CACNA1C: variants seen among roughly 807,000 people sequenced by gnomAD.
The protein encoded by CACNA1C is calcium voltage-gated channel subunit alpha1 C.
Under a neutral mutation model 229.0 loss-of-function variants are expected in CACNA1C, and 30 were observed. That is an observed-to-expected ratio of 0.13 (90% confidence interval 0.10 to 0.18). The LOEUF (loss-of-function observed/expected upper bound fraction) is 0.18, where lower values mean the gene tolerates loss of function less well. CACNA1C is among the 10% of genes least tolerant of loss of function. CACNA1C has a pLI of 1.00. For synonymous variants in CACNA1C, 1,114 were observed against 1,132.5 expected (o/e 0.98, Z 0.33); for missense variants, 1,658 against 2,845.0 (o/e 0.58, Z 9.49).
intron 3 of CACNA1C, among the ~76,000 whole-genome samples, chr12:2,343,390 T>C (rs537407078): frequency 6.6e-6 from 1 of 152,266 alleles, no homozygotes; most frequent in East Asian, 1.9e-4. Flanking sequence ...ACAGATCGAA[T>C]TGCCAGATTT....
rs961784114 is a variant in CACNA1C at position 2,275,663 on chromosome 12, G to A, written c.477+155233G>A. On this transcript the variant is annotated intron_variant, in intron 3 of 46. Coordinates refer to ENST00000399655, the MANE Select transcript of CACNA1C (RefSeq NM_000719.7). This position sits in a 1 kb window ranked among gnomAD's most constrained non-coding sequence, Gnocchi z 4.1. ...CTTTCCCCTCTCTCTGTGAGAAGACGGCCAGTCTCAGATTGGATTTGACCT... is the reference window on the plus strand; with the variant it reads ...CTTTCCCCTCTCTCTGTGAGAAGACAGCCAGTCTCAGATTGGATTTGACCT... Among the ~76,000 whole-genome samples, 2 of 152,124 alleles carry A rather than the reference G, an allele frequency of 1.3e-5. No homozygotes were observed. The highest frequency in any genetic ancestry group is 2.4e-5 in the African/African-American group (1 of 41,420).
intron 3 of CACNA1C, among the ~76,000 whole-genome samples, chr12:2,186,007 G>A (rs770594559): frequency 1.3e-5 from 2 of 152,118 alleles, no homozygotes; most frequent in Non-Finnish European, 2.9e-5. Flanking sequence ...TTTCCTGGCC[G>A]CTCTCTGGCT....
At chr12:2,311,437 A>T (rs1048373766) in intron 3 of CACNA1C, among the ~76,000 whole-genome samples, 1 of 152,208 alleles carries the variant, frequency 6.6e-6, no homozygotes, top group African/African-American at 2.4e-5. Flanking sequence ...CAACCAGAGG[A>T]TGCAGGGACC....
intron 1 of CACNA1C, among the ~76,000 whole-genome samples, chr12:2,045,525 T>C (rs1200662898): frequency 2.0e-5 from 3 of 152,176 alleles, no homozygotes; most frequent in Admixed American, 1.3e-4. Flanking sequence ...ACTGAAAGGA[T>C]TGTTTAAGTG....
chr12:2,582,983 C>G (rs1482174362), intron 15 of CACNA1C, 41 bp downstream of exon 15: 15 of 1,445,990 alleles, frequency 1.0e-5, no homozygotes, highest in Admixed American at 2.0e-5. Flanking sequence ...GGCCCCCAGC[C>G]CCCAGCCTGC....
At chr12:2,583,755 A>G (rs2153228108) in intron 15 of CACNA1C, among the ~76,000 whole-genome samples, 1 of 152,250 alleles carries the variant, frequency 6.6e-6, no homozygotes, top group Non-Finnish European at 1.5e-5. Context: ...TTTTCATGGG[A>G]TCATGCATGC....
chr12:2,178,691 G>A (rs561571514), intron 3 of CACNA1C, among the ~76,000 whole-genome samples: 1 of 152,238 alleles, frequency 6.6e-6, no homozygotes, highest in South Asian at 2.1e-4. Context: ...CTTTGGAACC[G>A]CTTGAGTACC....
rs57723819 is a variant in CACNA1C, at chr12:2,634,556, CT to C, written c.3912+189del. On this transcript the variant is annotated intron_variant, in intron 30 of 46. Transcript: ENST00000399655. Reference sequence around the variant, plus strand: ...TTTCCTTGTTGCTTTATTTTGAAATCTTTTTTTTTTTTTAACTTTGGAACGC... The same window carrying C: ...TTTCCTTGTTGCTTTATTTTGAAATCTTTTTTTTTTTTAACTTTGGAACGC... 0.047 allele frequency among the ~76,000 whole-genome samples: 6,233 copies of C among 133,004 alleles called. 174 individuals carry two copies. The highest frequency in any genetic ancestry group is 0.089 in the Admixed American group (1,187 of 13,266). 87.3% of individuals were successfully genotyped at this position (133,004 alleles called of 152,430 possible).
rs1270680274 is a variant in CACNA1C at position 2,215,577 on chromosome 12, A to G, written c.477+95147A>G. Among the ~76,000 whole-genome samples the G allele has an allele frequency of 6.6e-6, 1 of 152,302 alleles. No homozygotes were observed. The highest frequency in any genetic ancestry group is 1.9e-4 in the East Asian group (1 of 5,170). ...CCCACACCGTTAACACTTTTACATC[A>G]GCATTGCACATGGACATAAAGGGGC... On this transcript the variant is annotated intron_variant, in intron 3 of 46. Coordinates refer to ENST00000399655, the MANE Select transcript of CACNA1C (RefSeq NM_000719.7). This position sits in a 1 kb window ranked among gnomAD's most constrained non-coding sequence, Gnocchi z 5.0.
At chr12:2,012,397 G>T (rs1358045694) in intron 1 of CACNA1C, among the ~76,000 whole-genome samples, 4 of 152,204 alleles carry the variant, frequency 2.6e-5, no homozygotes, top group African/African-American at 9.7e-5. Flanking sequence ...ATGCTCACTG[G>T]ATTGTCTATG....
intron 3 of CACNA1C, among the ~76,000 whole-genome samples, chr12:2,415,558 C>A (rs768118786): frequency 6.6e-6 from 1 of 152,172 alleles, no homozygotes; most frequent in East Asian, 1.9e-4. Flanking sequence ...ATAACACCAC[C>A]GTCCCAAGAA....
At chr12:2,535,411 G>T (rs909626805) in intron 9 of CACNA1C, among the ~76,000 whole-genome samples, 1 of 143,630 alleles carries the variant, frequency 7.0e-6, no homozygotes, top group African/African-American at 2.6e-5. Context: ...AGAAAAAGCA[G>T]CCAGAGGCCC....
At chr12:2,262,946 C>G (rs2080905569) in intron 3 of CACNA1C, among the ~76,000 whole-genome samples, 1 of 152,008 alleles carries the variant, frequency 6.6e-6, no homozygotes, top group Non-Finnish European at 1.5e-5. Context: ...GGAGGTTGCA[C>G]TTTTGTGGGA....
intron 4 of CACNA1C, among the ~76,000 whole-genome samples, chr12:2,452,580 A>C (rs2099388916): frequency 6.6e-6 from 1 of 152,184 alleles, no homozygotes; most frequent in African/African-American, 2.4e-5. Context: ...CCCAACCCTC[A>C]GGGACCAGTG....
chr12:2,634,425 C>G, intron 30 of CACNA1C, 45 bp downstream of exon 30: 1 of 940,220 alleles, frequency 1.1e-6, no homozygotes, highest in Admixed American at 2.5e-5. Context: ...CCTGCTCTAA[C>G]ACTCATTTGC....
At chr12:2,085,401 A>G (rs1014598295) in intron 1 of CACNA1C, among the ~76,000 whole-genome samples, 1 of 152,136 alleles carries the variant, frequency 6.6e-6, no homozygotes, top group Admixed American at 6.5e-5. Context: ...TAGCTGCAGA[A>G]TGTTTTAATT....
chr12:2,690,774 G>A (rs1273222311), intron 46 of CACNA1C, 126 bp from the exon 47 acceptor site: 4 of 888,142 alleles, frequency 4.5e-6, no homozygotes, highest in East Asian at 2.7e-5. Context: ...ACACGTACAC[G>A]TGCACACACG....
intron 3 of CACNA1C, among the ~76,000 whole-genome samples, chr12:2,249,904 G>C (rs1381417664): frequency 6.6e-6 from 1 of 152,106 alleles, no homozygotes; most frequent in Non-Finnish European, 1.5e-5. Context: ...CGCCTCCCGG[G>C]TTCACACCAT....
chr12:2,663,365 G>C (rs181686093), intron 34 of CACNA1C, among the ~76,000 whole-genome samples: 62 of 152,310 alleles, frequency 4.1e-4, no homozygotes, highest in African/African-American at 1.5e-3. Context: ...CTTTTACCCC[G>C]CTGGTGGGAA....
Sources: allele counts gnomAD v4.1 joint callset (sites outside exome capture counted in the v4.1 genomes callset), GRCh38; gene constraint gnomAD v4.1.1; non-coding constraint Gnocchi (gnomAD v3.1); transcripts MANE v1.5; gene names NCBI Gene and HGNC (gene_info 2026-07-23, HGNC 2026-07-21).